Variants in QTMAN observed in about 807,000 individuals in gnomAD.
QTMAN encodes queuosine-tRNA mannosyltransferase, also known as tRNA-queuosine alpha-mannosyltransferase.
the QTMAN span, among the ~76,000 whole-genome samples, chr2:144,085,252 CA>C: frequency 2.0e-5 from 3 of 152,288 alleles, no homozygotes; most frequent in East Asian, 5.8e-4. Context: ...AACAAGTGGC[CA>C]GCCCCTGGCC....
chr2:144,182,292 T>G, the QTMAN span, among the ~76,000 whole-genome samples: 1 of 152,060 alleles, frequency 6.6e-6, no homozygotes, highest in Non-Finnish European at 1.5e-5. Context: ...AAATAGATAA[T>G]TATAGAACAA....
chr2:144,120,146 T>C, the QTMAN span, among the ~76,000 whole-genome samples: 2 of 152,332 alleles, frequency 1.3e-5, no homozygotes, highest in African/African-American at 4.8e-5. Flanking sequence ...GCAATTCCAA[T>C]TTCCCCTAGT....
the QTMAN span, among the ~76,000 whole-genome samples, chr2:144,195,690 G>A: frequency 6.6e-6 from 1 of 152,188 alleles, no homozygotes; most frequent in African/African-American, 2.4e-5. Flanking sequence ...CAAAATCAAA[G>A]AAATGGTTAC....
chr2:144,175,491 C>G, the QTMAN span, among the ~76,000 whole-genome samples: 1 of 152,144 alleles, frequency 6.6e-6, no homozygotes, highest in African/African-American at 2.4e-5. Context: ...ACAAAGGGAA[C>G]TACCATCACC....
the QTMAN span, among the ~76,000 whole-genome samples, chr2:144,104,175 C>T: frequency 3.3e-5 from 5 of 152,200 alleles, no homozygotes; most frequent in East Asian, 5.8e-4. Flanking sequence ...CAGCTCCCAG[C>T]GTGAGCAATG....
chr2:144,240,586 T>C, the QTMAN span, among the ~76,000 whole-genome samples: 2 of 152,234 alleles, frequency 1.3e-5, no homozygotes, highest in Non-Finnish European at 1.5e-5. Flanking sequence ...AAAAACTAGA[T>C]ATATTCCTTT....
At chr2:144,195,418 C>A in the QTMAN span, among the ~76,000 whole-genome samples, 1 of 152,132 alleles carries the variant, frequency 6.6e-6, no homozygotes, top group Admixed American at 6.5e-5. Flanking sequence ...GCATGCTGAA[C>A]ATATTAAAGA....
At chr2:144,100,868 T>C in the QTMAN span, among the ~76,000 whole-genome samples, 1 of 127,436 alleles carries the variant, frequency 7.8e-6, no homozygotes, top group East Asian at 2.2e-4. Flanking sequence ...TCTTTTTTTT[T>C]TTTTTTTTTT....
the QTMAN span, among the ~76,000 whole-genome samples, chr2:144,019,665 G>A: frequency 6.6e-6 from 1 of 152,074 alleles, no homozygotes; most frequent in African/African-American, 2.4e-5. Flanking sequence ...CTAAGCCTAT[G>A]CAGCTCCCAC....
chr2:144,325,413 A>C, the QTMAN span, among the ~76,000 whole-genome samples: 1 of 152,166 alleles, frequency 6.6e-6, no homozygotes, highest in Non-Finnish European at 1.5e-5. Flanking sequence ...AGAAAAAACA[A>C]AACTATAGAG....
chr2:144,172,961 G>GT, the QTMAN span, among the ~76,000 whole-genome samples: 51 of 151,692 alleles, frequency 3.4e-4, no homozygotes, highest in Middle Eastern at 6.8e-3. Context: ...ATCTTCTTGT[G>GT]TTTTTTTTCT....
At chr2:143,971,300 C>A in the QTMAN span, among the ~76,000 whole-genome samples, 1 of 152,006 alleles carries the variant, frequency 6.6e-6, no homozygotes, top group Non-Finnish European at 1.5e-5. Context: ...TCTCACTAAT[C>A]TCTCATTTTA....
the QTMAN span, among the ~76,000 whole-genome samples, chr2:144,260,673 G>A: frequency 6.6e-6 from 1 of 151,744 alleles, no homozygotes; most frequent in African/African-American, 2.4e-5. Context: ...TTAGGTGAGT[G>A]CCATTAGGCA....
At chr2:144,043,103 T>G in the QTMAN span, among the ~76,000 whole-genome samples, 1 of 152,148 alleles carries the variant, frequency 6.6e-6, no homozygotes, top group Non-Finnish European at 1.5e-5. Flanking sequence ...AACACCTTTT[T>G]TTCCCCGCAA....
the QTMAN span, among the ~76,000 whole-genome samples, chr2:144,020,431 C>T: frequency 6.6e-6 from 1 of 152,180 alleles, no homozygotes; most frequent in Non-Finnish European, 1.5e-5. Context: ...GGGTATGATC[C>T]GATTCTTCCG....
the QTMAN span, among the ~76,000 whole-genome samples, chr2:144,131,872 C>T: frequency 9.9e-5 from 15 of 151,942 alleles, no homozygotes; most frequent in Admixed American, 7.2e-4. Context: ...TACCTAGCTT[C>T]CAGGGGATTG....
chr2:144,024,291 A>C, the QTMAN span, among the ~76,000 whole-genome samples: 167 of 152,324 alleles, frequency 1.1e-3, 2 homozygotes, highest in African/African-American at 3.9e-3. Flanking sequence ...AAATGAGCAA[A>C]ATCAACTCTG....
the QTMAN span, among the ~76,000 whole-genome samples, chr2:144,221,788 A>G: frequency 1.3e-5 from 2 of 152,234 alleles, no homozygotes; most frequent in African/African-American, 4.8e-5. Flanking sequence ...TTTAAAAACT[A>G]ATCGACAAGG....
At chr2:144,177,268 A>AC in the QTMAN span, 1 of 648,752 alleles carries the variant, frequency 1.5e-6, no homozygotes, top group South Asian at 1.7e-5. Flanking sequence ...AAAAAAAAAC[A>AC]TTGTTTTTGT....
Sources: allele counts gnomAD v4.1 joint callset (sites outside exome capture counted in the v4.1 genomes callset), GRCh38; gene constraint gnomAD v4.1.1; transcripts MANE v1.5; gene names NCBI Gene and HGNC (gene_info 2026-07-23, HGNC 2026-07-21).